Variants in VAT1L observed in about 807,000 individuals in gnomAD.
VAT1L encodes the protein putative NADPH-dependent quinone oxidoreductase VAT1L.
In VAT1L, 34 loss-of-function variants were observed where a neutral mutation model predicts 44.1. That is an observed-to-expected ratio of 0.77 (90% CI 0.59 to 1.03). The LOEUF is 1.03. Among genes scored for constraint, VAT1L ranks in the 50% least tolerant of loss-of-function variants. VAT1L has a pLI of 0.00. For synonymous variants in VAT1L, 253 were observed against 202.2 expected, an observed-to-expected ratio of 1.25 and a Z score of -2.13; for missense variants, 615 against 538.8, an observed-to-expected ratio of 1.14 and a Z score of -1.40.
At chr16:77,855,098 T>G (rs1044648479) in intron 3 of VAT1L, among the ~76,000 whole-genome samples, 7 of 152,028 alleles carry the variant, frequency 4.6e-5, no homozygotes, top group Non-Finnish European at 8.8e-5. Flanking sequence ...TCCCAGCACT[T>G]TGGGAGGCTG....
intron 7 of VAT1L, among the ~76,000 whole-genome samples, chr16:77,907,065 T>C (rs917239842): frequency 6.6e-6 from 1 of 152,158 alleles, no homozygotes; most frequent in Non-Finnish European, 1.5e-5. Flanking sequence ...CTGGTAAATA[T>C]TAAATATTTT....
chr16:77,890,758 A>C (rs907272953), intron 7 of VAT1L, among the ~76,000 whole-genome samples: 1 of 151,288 alleles, frequency 6.6e-6, no homozygotes, highest in African/African-American at 2.4e-5. Flanking sequence ...CCCCATCTCT[A>C]CTAAAACTAC....
chr16:77,821,524 C>A (rs766617454), intron 2 of VAT1L, among the ~76,000 whole-genome samples: 1 of 152,078 alleles, frequency 6.6e-6, no homozygotes, highest in Non-Finnish European at 1.5e-5. Flanking sequence ...AACCCCTGAC[C>A]TCAAGTAATC....
chr16:77,839,394 G>A (rs2016678076), intron 3 of VAT1L, among the ~76,000 whole-genome samples: 2 of 151,694 alleles, frequency 1.3e-5, no homozygotes, highest in African/African-American at 4.8e-5. Flanking sequence ...AAATCAGCTG[G>A]GCGTGGTGGT....
At chr16:77,960,453 G>A (rs1171218437) in intron 7 of VAT1L, among the ~76,000 whole-genome samples, 1 of 152,124 alleles carries the variant, frequency 6.6e-6, no homozygotes, top group African/African-American at 2.4e-5. Flanking sequence ...TGGGCCTGAA[G>A]GGGCACGAGG....
intron 6 of VAT1L, among the ~76,000 whole-genome samples, chr16:77,883,107 C>T (rs1431376771): frequency 6.6e-6 from 1 of 152,290 alleles, no homozygotes; most frequent in Non-Finnish European, 1.5e-5. Context: ...AAAAAATTTT[C>T]ACTTTAGTCA....
chr16:77,850,992 T>C (rs1475982626), intron 3 of VAT1L, among the ~76,000 whole-genome samples: 4 of 152,206 alleles, frequency 2.6e-5, no homozygotes, highest in African/African-American at 7.2e-5. Context: ...TTGGAGAGTA[T>C]TGCTGATGAC....
intron 7 of VAT1L, among the ~76,000 whole-genome samples, chr16:77,929,323 T>A (rs909999495): frequency 1.3e-5 from 2 of 152,140 alleles, no homozygotes; most frequent in African/African-American, 4.8e-5. Flanking sequence ...TTGGCAACAT[T>A]TTCTCAACAC....
intron 7 of VAT1L, among the ~76,000 whole-genome samples, chr16:77,916,436 AT>A (rs1219140449): frequency 6.6e-6 from 1 of 152,082 alleles, no homozygotes; most frequent in Non-Finnish European, 1.5e-5. Flanking sequence ...AAACAGGAAT[AT>A]TACTACTCTC....
chr16:77,909,571 A>G (rs529206850), intron 7 of VAT1L, among the ~76,000 whole-genome samples: 4 of 144,324 alleles, frequency 2.8e-5, no homozygotes, highest in Non-Finnish European at 4.5e-5. Flanking sequence ...CAAGAGGCAG[A>G]GGTTGCAGTG....
At chr16:77,899,955 T>G (rs1177195324) in intron 7 of VAT1L, among the ~76,000 whole-genome samples, 2 of 152,232 alleles carry the variant, frequency 1.3e-5, no homozygotes, top group East Asian at 3.8e-4. Flanking sequence ...TGTTTGGCAG[T>G]TGGACATACT....
At chr16:77,945,843 C>A (rs1288908761) in intron 7 of VAT1L, among the ~76,000 whole-genome samples, 1 of 150,532 alleles carries the variant, frequency 6.6e-6, no homozygotes, top group Non-Finnish European at 1.5e-5. Flanking sequence ...CGCTCTGTCG[C>A]CCAGGCTGGA....
chr16:77,826,260 T>C (rs1327205502), intron 3 of VAT1L, among the ~76,000 whole-genome samples: 1 of 151,810 alleles, frequency 6.6e-6, no homozygotes, highest in African/African-American at 2.4e-5. Context: ...GGTATCATGA[T>C]GAAAAGTTGT....
intron 7 of VAT1L, among the ~76,000 whole-genome samples, chr16:77,950,336 AAGGC>A (rs1469052510): frequency 6.6e-6 from 1 of 150,512 alleles, no homozygotes; most frequent in African/African-American, 2.4e-5. Context: ...TTAAACCTGC[AAGGC>A]AGAGGTTGCA....
At chr16:77,939,637 C>G (rs894628144) in intron 7 of VAT1L, among the ~76,000 whole-genome samples, 2 of 152,116 alleles carry the variant, frequency 1.3e-5, no homozygotes, top group African/African-American at 4.8e-5. Flanking sequence ...AACCCTCTTG[C>G]TACCGAAGGG....
At chr16:77,810,803 C>G (rs1356408217) in intron 1 of VAT1L, among the ~76,000 whole-genome samples, 1 of 152,118 alleles carries the variant, frequency 6.6e-6, no homozygotes, top group East Asian at 1.9e-4. Flanking sequence ...TAAAGCCAAT[C>G]CTTGTGCTGA....
At chr16:77,924,098 G>T (rs562624632) in intron 7 of VAT1L, among the ~76,000 whole-genome samples, 84 of 152,266 alleles carry the variant, frequency 5.5e-4, no homozygotes, top group Non-Finnish European at 9.1e-4. Flanking sequence ...TTGTCTCCAT[G>T]TGTACATAAT....
intron 3 of VAT1L, among the ~76,000 whole-genome samples, chr16:77,840,814 T>C (rs2016696957): frequency 6.6e-6 from 1 of 152,196 alleles, no homozygotes; most frequent in Non-Finnish European, 1.5e-5. Context: ...GCTTGCTCAT[T>C]TGTAAACACT....
At chr16:77,819,750 C>G (rs1022576457) in intron 2 of VAT1L, among the ~76,000 whole-genome samples, 3 of 152,234 alleles carry the variant, frequency 2.0e-5, no homozygotes, top group Non-Finnish European at 2.9e-5. Context: ...CACTCACTGA[C>G]AGTGGGACAG....
Sources: gnomAD v4.1 joint callset for allele counts (sites outside exome capture counted in the v4.1 genomes callset) on GRCh38, gnomAD v4.1.1 for gene constraint, MANE v1.5 for transcripts, NCBI Gene and HGNC (gene_info 2026-07-23, HGNC 2026-07-21) for gene names.